CTIF: variants seen among roughly 807,000 people sequenced by gnomAD.
The protein encoded by CTIF is CBP80/20-dependent translation initiation factor.
Under a neutral mutation model 66.0 loss-of-function variants are expected in CTIF, and 21 were observed. The observed-to-expected ratio is 0.32, with a 90% CI of 0.23 to 0.46. The LOEUF is 0.46. Ranked by LOEUF, CTIF falls within the 20% of genes least tolerant of loss-of-function variation. The pLI, the probability that CTIF is intolerant of heterozygous loss-of-function variation, is 1.00. For missense variants in CTIF, 739 were observed against 812.7 expected, an observed-to-expected ratio of 0.91 and a Z score of 1.10; for synonymous variants, 345 against 326.4, an observed-to-expected ratio of 1.06 and a Z score of -0.62.
intron 1 of CTIF, among the ~76,000 whole-genome samples, chr18:48,551,726 G>A (rs2088885415): frequency 6.6e-6 from 1 of 152,172 alleles, no homozygotes; most frequent in Admixed American, 6.5e-5. Context: ...GCAGTGGGGA[G>A]ATGTCTGTAA....
At chr18:48,759,749 A>G (rs1236027945) in intron 8 of CTIF, among the ~76,000 whole-genome samples, 2 of 152,224 alleles carry the variant, frequency 1.3e-5, no homozygotes, top group Non-Finnish European at 2.9e-5. Flanking sequence ...CTATATGCAG[A>G]CCACTGTTCC....
intron 10 of CTIF, among the ~76,000 whole-genome samples, chr18:48,836,523 A>T (rs757343953): frequency 3.9e-5 from 6 of 152,144 alleles, no homozygotes; most frequent in Non-Finnish European, 5.9e-5. Context: ...ATTATGAGGC[A>T]CCAGTGAGTG....
chr18:48,696,539 C>A (rs2092011901), intron 6 of CTIF, among the ~76,000 whole-genome samples: 1 of 152,216 alleles, frequency 6.6e-6, no homozygotes, highest in Non-Finnish European at 1.5e-5. Flanking sequence ...CTGGCTTGAG[C>A]TCTCGGGACC....
At chr18:48,673,104 C>T (rs1299658633) in intron 6 of CTIF, among the ~76,000 whole-genome samples, 1 of 152,224 alleles carries the variant, frequency 6.6e-6, no homozygotes, top group African/African-American at 2.4e-5. Context: ...AGAGCCCCTG[C>T]CCCCATCTCT....
chr18:48,604,554 G>A (rs959678894), intron 1 of CTIF, among the ~76,000 whole-genome samples: 1 of 151,962 alleles, frequency 6.6e-6, no homozygotes, highest in African/African-American at 2.4e-5. Context: ...TTTTGGAGAG[G>A]CCTCCAAGCT....
At chr18:48,724,699 G>A (rs2145598385) in intron 7 of CTIF, among the ~76,000 whole-genome samples, 1 of 152,352 alleles carries the variant, frequency 6.6e-6, no homozygotes, top group African/African-American at 2.4e-5. Context: ...GGGCTCACCT[G>A]AAGCAGGTGC....
intron 1 of CTIF, among the ~76,000 whole-genome samples, chr18:48,596,408 G>A (rs1359419156): frequency 6.6e-6 from 1 of 152,022 alleles, no homozygotes; most frequent in Non-Finnish European, 1.5e-5. Context: ...AGACAAGAAA[G>A]AGAAAGTGGG....
intron 6 of CTIF, among the ~76,000 whole-genome samples, chr18:48,675,977 G>A (rs9960978): frequency 0.05 from 7,634 of 152,242 alleles, 629 homozygotes; most frequent in African/African-American, 0.17. Context: ...GATGAAATCC[G>A]AATTGCATAT....
At chr18:48,540,999 C>A (rs1412811570) in intron 1 of CTIF, among the ~76,000 whole-genome samples, 4 of 152,170 alleles carry the variant, frequency 2.6e-5, no homozygotes, top group Non-Finnish European at 1.5e-5. Flanking sequence ...CGCGACGCCC[C>A]GTGACCCGGC....
chr18:48,851,423 A>C (rs115286720), intron 10 of CTIF, among the ~76,000 whole-genome samples: 2,955 of 152,056 alleles, frequency 0.019, 80 homozygotes, highest in African/African-American at 0.067. Flanking sequence ...CACTGTCAAC[A>C]CCCCTGGGAC....
Position 48,817,209 on chromosome 18 carries a change from A to T in CTIF, c.1372-12A>T. ...CCCCGGGAGGCTGACGCGGTCTCTC[A>T]TGCCTCCACAGAAGGACTTCACGGT... On this transcript the variant is annotated splice_polypyrimidine_tract_variant and intron_variant, in intron 9 of 11. Transcript: ENST00000256413. 6.2e-7 allele frequency: 1 copy of T among 1,611,542 alleles called. No homozygotes were observed. Among genetic ancestry groups the T allele is most frequent in the Non-Finnish European group, 8.5e-7 (1 of 1,178,654 alleles).
chr18:48,744,065 G>T (rs1438806444), intron 7 of CTIF, among the ~76,000 whole-genome samples: 2 of 152,192 alleles, frequency 1.3e-5, no homozygotes, highest in Admixed American at 6.5e-5. Flanking sequence ...CTTGCTTATG[G>T]TGAGTGCTGG....
rs115553059 is a variant in CTIF at position 48,818,758 on chromosome 18, G to A, written c.1527+1382G>A. ...CTCCCACCACCGGCAGGCCTCTGCAGGGGCTACCAGGACACAAGGAGGAAC... is the reference window on the plus strand; with the variant it reads ...CTCCCACCACCGGCAGGCCTCTGCAAGGGCTACCAGGACACAAGGAGGAAC... On this transcript the variant is annotated intron_variant, in intron 10 of 11. Coordinates refer to ENST00000256413, the MANE Select transcript of CTIF (RefSeq NM_014772.3). Among the ~76,000 whole-genome samples, 946 of 152,194 alleles carry A rather than the reference G, an allele frequency of 6.2e-3. 9 individuals are homozygous for A. Among genetic ancestry groups the A allele is most frequent in the African/African-American group, 0.022 (908 of 41,516 alleles).
intron 1 of CTIF, among the ~76,000 whole-genome samples, chr18:48,600,711 G>T (rs1234442317): frequency 6.6e-6 from 1 of 152,008 alleles, no homozygotes; most frequent in African/African-American, 2.4e-5. Context: ...CTATAAATCA[G>T]ACTGGAATGC....
At chr18:48,765,150 C>T (rs758587027) in intron 9 of CTIF, among the ~76,000 whole-genome samples, 14 of 152,228 alleles carry the variant, frequency 9.2e-5, no homozygotes, top group Non-Finnish European at 1.9e-4. Flanking sequence ...CCTCTTAACA[C>T]CTCCAGGGAT....
In CTIF at chr18:48,761,523, A is replaced by T. The variant is rs1908988748; in HGVS notation, c.1205A>T (p.Asn402Ile). ...KLTTFMEEAQ[N>I]STNSEEMLGE... ...ACCACCTTCATGGAGGAGGCCCAGA[A>T]CTCCACCAACTCCGAGGAGATGCTG... Residue 402 changes from asparagine to isoleucine, a missense_variant, in exon 9 of 12, where the codon AAC (asparagine) becomes ATC (isoleucine). Coordinates refer to ENST00000256413, the MANE Select transcript of CTIF (RefSeq NM_014772.3). This position sits in a 1 kb window ranked among gnomAD's most constrained non-coding sequence, Gnocchi z 4.2. The T allele has an allele frequency of 6.2e-7, 1 of 1,613,956 alleles. No individual in the cohort carries two copies. The highest frequency in any genetic ancestry group is 1.3e-5 in the African/African-American group (1 of 74,886).
chr18:48,707,075 T>C (rs1381350775), intron 6 of CTIF, among the ~76,000 whole-genome samples: 1 of 152,152 alleles, frequency 6.6e-6, no homozygotes, highest in Non-Finnish European at 1.5e-5. Context: ...AAAAGCCAGC[T>C]GGGAAACCCA....
intron 7 of CTIF, among the ~76,000 whole-genome samples, chr18:48,740,767 C>G (rs2092546427): frequency 6.6e-6 from 1 of 152,176 alleles, no homozygotes; most frequent in African/African-American, 2.4e-5. Flanking sequence ...GACTCCAGCT[C>G]CTGGGACCTC....
intron 9 of CTIF, among the ~76,000 whole-genome samples, chr18:48,768,206 A>G (rs1599007898): frequency 6.6e-6 from 1 of 152,148 alleles, no homozygotes; most frequent in African/African-American, 2.4e-5. Context: ...CCTAACTCTT[A>G]TCTTTTACAT....
Sources: allele counts gnomAD v4.1 joint callset (sites outside exome capture counted in the v4.1 genomes callset), GRCh38; gene constraint gnomAD v4.1.1; non-coding constraint Gnocchi (gnomAD v3.1); transcripts MANE v1.5; gene names NCBI Gene and HGNC (gene_info 2026-07-23, HGNC 2026-07-21).